VPS41: variants seen among roughly 807,000 people sequenced by gnomAD.
The protein encoded by VPS41 is VPS41 subunit of HOPS complex, also known as vacuolar protein sorting-associated protein 41 homolog.
In VPS41, 85 loss-of-function variants were observed where a neutral mutation model predicts 130.9. That is an observed-to-expected ratio of 0.65 (90% confidence interval 0.55 to 0.78). The LOEUF (loss-of-function observed/expected upper bound fraction) is 0.78, where lower values mean the gene tolerates loss of function less well. Ranked by LOEUF, VPS41 falls within the 30% of genes least tolerant of loss-of-function variation. The pLI is 0.00. For missense variants in VPS41, 874 were observed against 1,018.7 expected (o/e 0.86, Z 1.93); for synonymous variants, 335 against 332.9 (o/e 1.01, Z -0.07).
intron 18 of VPS41, 118 bp from the exon 19 acceptor site, chr7:38,757,100 CTT>C: frequency 2.6e-6 from 2 of 775,418 alleles, no homozygotes; most frequent in Middle Eastern, 2.5e-4. Flanking sequence ...GAAAAGTTAA[CTT>C]TATTTCAAAA....
chr7:38,758,210 G>A (rs1272319088), intron 18 of VPS41, 144 bp downstream of exon 18: 3 of 692,256 alleles, frequency 4.3e-6, no homozygotes, highest in Non-Finnish European at 7.1e-6. Flanking sequence ...ACTCATTTGA[G>A]GTTTATGAGA....
intron 4 of VPS41, among the ~76,000 whole-genome samples, chr7:38,836,579 C>G (rs751451676): frequency 2.6e-5 from 4 of 152,076 alleles, no homozygotes; most frequent in Non-Finnish European, 5.9e-5. Context: ...CCATGTCATG[C>G]AGACTGCAAA....
At chr7:38,793,224 G>C (rs889148149) in intron 9 of VPS41, among the ~76,000 whole-genome samples, 1 of 152,160 alleles carries the variant, frequency 6.6e-6, no homozygotes, top group Non-Finnish European at 1.5e-5. Flanking sequence ...GTATATTTGT[G>C]TTCTGCAACA....
chr7:38,724,593 T>TC lies in VPS41; in HGVS notation c.*1652dup, dbSNP rs1562560615. The TC allele has an allele frequency of 1.4e-5, 2 of 139,642 alleles. No individual in the cohort carries two copies. Among genetic ancestry groups the TC allele is most frequent in the East Asian group, 4.7e-4 (2 of 4,264 alleles). 8.7% of individuals were successfully genotyped at this position (139,642 alleles called of 1,614,324 possible). ...TTGAACTTGGCCCTATGATTTCTTT[T>TC]CTTTTCTTTTCTTTTTTGAGACGGA... On this transcript the variant is annotated 3_prime_UTR_variant, in exon 29 of 29. Transcript: ENST00000310301.
At position 38,854,573 on chromosome 7, in the gene VPS41, TAC is replaced by T. The variant is rs200559135; in HGVS notation, c.246+7970_246+7971del. Among the ~76,000 whole-genome samples the T allele has an allele frequency of 2.4e-3, 358 of 152,254 alleles. 1 individual carries two copies. Among genetic ancestry groups the T allele is most frequent in the East Asian group, 0.014 (71 of 5,180 alleles). ...CATGGCCATACAATTTCCTATAATG[TAC>T]ACACAATAATCCTGATATGGGAGAG... On this transcript the variant is annotated intron_variant, in intron 4 of 28. Transcript: ENST00000310301.
chr7:38,870,907 G>T (rs909530553), intron 2 of VPS41, among the ~76,000 whole-genome samples: 1 of 149,034 alleles, frequency 6.7e-6, no homozygotes, highest in African/African-American at 2.5e-5. Flanking sequence ...TTTAATATAA[G>T]ATTAGCAAAA....
chr7:38,852,893 T>C (rs1785889825), intron 4 of VPS41, among the ~76,000 whole-genome samples: 1 of 152,216 alleles, frequency 6.6e-6, no homozygotes, highest in Non-Finnish European at 1.5e-5. Context: ...CCCTAAATAC[T>C]CTGAACTCCA....
At chr7:38,880,795 C>T (rs1454559737) in intron 2 of VPS41, among the ~76,000 whole-genome samples, 2 of 152,198 alleles carry the variant, frequency 1.3e-5, no homozygotes, top group East Asian at 3.8e-4. Flanking sequence ...CCTGCAGAGA[C>T]AGGAATGCCT....
chr7:38,761,055 C>A lies in VPS41; in HGVS notation c.1422+2400G>T, dbSNP rs534191684. ...ATATATTAATATGATTGAAATTTTA[C>A]TTCAGAAATTTGGGAATGGATTCAA... On this transcript the variant is annotated intron_variant, in intron 17 of 28. Coordinates refer to ENST00000310301, the MANE Select transcript of VPS41 (RefSeq NM_014396.4). Among the ~76,000 whole-genome samples, 230 of 152,174 alleles carry A rather than the reference C, an allele frequency of 1.5e-3. 1 individual carries two copies. The highest frequency in any genetic ancestry group is 2.7e-3 in the Non-Finnish European group (182 of 68,002).
Position 38,728,769 on chromosome 7 carries a change from T to C in VPS41, c.2282A>G (p.Lys761Arg). 6.2e-7 allele frequency: 1 copy of C among 1,614,186 alleles called. No homozygotes were observed. The highest frequency in any genetic ancestry group is 8.5e-7 in the Non-Finnish European group (1 of 1,180,024). ...CAAAGAGTCAGCTACGAGAATCTTC[T>C]TGCAGCCTTCACGAAGCAGAATCTA... ...NLQILLREGC[K>R]KILVADSLSL... The change falls in exon 26 of 29, where the codon AAG becomes AGG. Residue 761 changes from lysine to arginine, a missense_variant. Coordinates refer to ENST00000310301, the MANE Select transcript of VPS41 (RefSeq NM_014396.4).
At chr7:38,734,366 T>C (rs1795724532) in intron 25 of VPS41, among the ~76,000 whole-genome samples, 2 of 152,214 alleles carry the variant, frequency 1.3e-5, no homozygotes, top group Non-Finnish European at 2.9e-5. Context: ...CTAAATTACA[T>C]ATTTTATCAA....
intron 5 of VPS41, among the ~76,000 whole-genome samples, chr7:38,824,234 T>A (rs1785228163): frequency 6.6e-6 from 1 of 152,150 alleles, no homozygotes; most frequent in South Asian, 2.1e-4. Context: ...CTAACTTACA[T>A]CCCTAAATGT....
At chr7:38,856,707 A>C (rs1443029878) in intron 4 of VPS41, among the ~76,000 whole-genome samples, 1 of 152,168 alleles carries the variant, frequency 6.6e-6, no homozygotes, top group Non-Finnish European at 1.5e-5. Flanking sequence ...TGACACTATG[A>C]GGGGCCACAC....
At chr7:38,800,720 C>T (rs976837568) in intron 7 of VPS41, among the ~76,000 whole-genome samples, 1 of 152,116 alleles carries the variant, frequency 6.6e-6, no homozygotes, top group Non-Finnish European at 1.5e-5. Flanking sequence ...CCTGTAATCC[C>T]AGCTACTCCA....
intron 7 of VPS41, among the ~76,000 whole-genome samples, chr7:38,812,492 C>T (rs1784963549): frequency 6.6e-6 from 1 of 152,072 alleles, no homozygotes; most frequent in Admixed American, 6.6e-5. Flanking sequence ...AGGCAGTGAT[C>T]TCTTAGATAC....
chr7:38,906,159 G>A (rs758654641), intron 1 of VPS41, among the ~76,000 whole-genome samples: 11 of 151,976 alleles, frequency 7.2e-5, no homozygotes, highest in Non-Finnish European at 1.5e-4. Flanking sequence ...CCCTACTACC[G>A]TCATCAGATT....
rs1465905319 is a variant in VPS41 at position 38,732,045 on chromosome 7, T to A, written c.2260-3254A>T. ...TGGTCAACAAGATAAACATCAAGCC[T>A]GGGAAAGCAGCCCTTTCAAATCAAA... On this transcript the variant is annotated intron_variant, in intron 25 of 28. Transcript: ENST00000310301. Among the ~76,000 whole-genome samples the A allele has an allele frequency of 2.6e-5, 4 of 152,128 alleles. No homozygotes were observed. The South Asian group carries it at 8.3e-4, about 32-fold the overall frequency.
intron 25 of VPS41, among the ~76,000 whole-genome samples, chr7:38,739,047 A>T (rs1388306277): frequency 2.0e-5 from 3 of 152,248 alleles, no homozygotes; most frequent in Admixed American, 6.5e-5. Context: ...ACAACTGGCT[A>T]ATGAATGATC....
intron 22 of VPS41, among the ~76,000 whole-genome samples, chr7:38,748,084 T>C (rs1188983781): frequency 6.6e-6 from 1 of 152,194 alleles, no homozygotes; most frequent in Non-Finnish European, 1.5e-5. Context: ...ACTTTAGAAA[T>C]CTCTAGAAAT....
Sources: gnomAD v4.1 joint callset for allele counts (sites outside exome capture counted in the v4.1 genomes callset) on GRCh38, gnomAD v4.1.1 for gene constraint, MANE v1.5 for transcripts, NCBI Gene and HGNC (gene_info 2026-07-23, HGNC 2026-07-21) for gene names.